LCORL: variants seen among roughly 807,000 people sequenced by gnomAD.
LCORL encodes ligand-dependent nuclear receptor corepressor-like protein.
Under a neutral mutation model 141.8 loss-of-function variants are expected in LCORL, and 41 were observed. That is an observed-to-expected ratio of 0.29 (90% CI 0.23 to 0.38). The LOEUF (loss-of-function observed/expected upper bound fraction) is 0.38. Ranked by LOEUF, LCORL falls within the 10% of genes least tolerant of loss-of-function variation. The pLI, the probability that LCORL is intolerant of heterozygous loss-of-function variation, is 1.00. For synonymous variants in LCORL, 618 were observed against 694.1 expected, an observed-to-expected ratio of 0.89 and a Z score of 1.72; for missense variants, 1,759 against 2,035.0, an observed-to-expected ratio of 0.86 and a Z score of 2.61.
At chr4:17,854,924 A>T (rs1374123877) in intron 7 of LCORL, among the ~76,000 whole-genome samples, 1 of 152,182 alleles carries the variant, frequency 6.6e-6, no homozygotes, top group Non-Finnish European at 1.5e-5. Context: ...TAGGAAAATT[A>T]TTTATATTAA....
intron 7 of LCORL, among the ~76,000 whole-genome samples, chr4:17,847,883 A>G (rs1194662912): frequency 4.6e-5 from 7 of 152,236 alleles, no homozygotes; most frequent in Admixed American, 4.6e-4. Flanking sequence ...CAATTATATT[A>G]ATCAAGATAG....
chr4:17,972,590 C>T (rs1405323665), intron 2 of LCORL, among the ~76,000 whole-genome samples: 1 of 151,482 alleles, frequency 6.6e-6, no homozygotes, highest in East Asian at 1.9e-4. Context: ...TTAAATTACA[C>T]CATTGACCTC....
At chr4:18,013,737 G>T (rs747265467) in intron 1 of LCORL, among the ~76,000 whole-genome samples, 6 of 152,012 alleles carry the variant, frequency 3.9e-5, no homozygotes, top group Non-Finnish European at 8.8e-5. Context: ...GAAAAGAATT[G>T]GCCAATTTGA....
At chr4:18,014,883 C>T (rs1724396685) in intron 1 of LCORL, among the ~76,000 whole-genome samples, 1 of 152,176 alleles carries the variant, frequency 6.6e-6, no homozygotes, top group African/African-American at 2.4e-5. Context: ...ACAGATTCAG[C>T]TCTTAAGTAT....
chr4:17,859,184 G>A (rs1416226033), intron 7 of LCORL, among the ~76,000 whole-genome samples: 1 of 152,140 alleles, frequency 6.6e-6, no homozygotes, highest in Non-Finnish European at 1.5e-5. Context: ...TGTAAAATAG[G>A]CTTTGTGTTT....
At chr4:17,845,432 C>A (rs1020168753) in exon 8 of LCORL, 2 of 235,158 alleles carry the variant, frequency 8.5e-6, no homozygotes, top group African/African-American at 4.5e-5. Flanking sequence ...AAACTTTGTG[C>A]ACAGAAATAA....
chr4:17,897,385 T>C (rs1243810245), intron 5 of LCORL, among the ~76,000 whole-genome samples: 1 of 151,878 alleles, frequency 6.6e-6, no homozygotes, highest in East Asian at 1.9e-4. Context: ...TTCTGTTGTT[T>C]GATTCAATTA....
At chr4:17,976,584 C>T (rs1717033087) in intron 1 of LCORL, among the ~76,000 whole-genome samples, 1 of 152,088 alleles carries the variant, frequency 6.6e-6, no homozygotes, top group African/African-American at 2.4e-5. Context: ...TACTTAAAAA[C>T]ATTTTAAATA....
chr4:17,908,948 A>G, intron 5 of LCORL, 146 bp downstream of exon 5: 1 of 657,948 alleles, frequency 1.5e-6, no homozygotes, highest in South Asian at 3.2e-5. Flanking sequence ...GTAAATAGGT[A>G]CTTCTCTCCA....
At chr4:17,876,714 G>C in exon 7 of LCORL, 1 of 1,230,694 alleles carries the variant, frequency 8.1e-7, no homozygotes, top group East Asian at 3.2e-5. Flanking sequence ...TCTCAAAAGA[G>C]TTTGAGTATT....
intron 5 of LCORL, among the ~76,000 whole-genome samples, chr4:17,897,212 T>TA (rs1730076636): frequency 2.1e-5 from 1 of 48,434 alleles, no homozygotes; most frequent in African/African-American, 7.6e-5. Context: ...TATACTGATT[T>TA]CTTTTTTTTT....
chr4:17,851,347 T>A (rs1723682533), intron 7 of LCORL, among the ~76,000 whole-genome samples: 1 of 152,128 alleles, frequency 6.6e-6, no homozygotes, highest in African/African-American at 2.4e-5. Context: ...AAGCCCCTCT[T>A]CTGGGGCAAC....
intron 6 of LCORL, chr4:17,882,987 T>C: frequency 2.1e-6 from 2 of 944,682 alleles, no homozygotes; most frequent in Non-Finnish European, 2.5e-6. Context: ...CTCCATCTTA[T>C]TATATTAAAG....
chr4:17,914,966 C>T (rs1216554035), intron 4 of LCORL, among the ~76,000 whole-genome samples: 2 of 152,094 alleles, frequency 1.3e-5, no homozygotes, highest in African/African-American at 4.8e-5. Flanking sequence ...AGCGTACTGC[C>T]CAAGTATTTG....
rs567923668 is a variant in LCORL, at chr4:17,989,305, T to G, written c.155-16420A>C. ...TTGAAGTCACATACTATACTTGTCA[T>G]AGATTTTTTGTAGATATCATATCTT... On this transcript the variant is annotated intron_variant, in intron 1 of 7. Transcript: ENST00000635767. Among the ~76,000 whole-genome samples the G allele has an allele frequency of 3.3e-5, 5 of 152,372 alleles. 1 individual carries two copies. The highest frequency in any genetic ancestry group is 1.2e-4 in the African/African-American group (5 of 41,586).
chr4:17,883,167 G>A (rs1225498484), intron 6 of LCORL: 3 of 980,762 alleles, frequency 3.1e-6, no homozygotes, highest in Non-Finnish European at 3.6e-6. Flanking sequence ...AGTGCATTTT[G>A]TATTTCATAG....
At chr4:17,863,301 G>A (rs970730748) in intron 7 of LCORL, among the ~76,000 whole-genome samples, 1 of 152,164 alleles carries the variant, frequency 6.6e-6, no homozygotes, top group African/African-American at 2.4e-5. Flanking sequence ...GGGCAACAGA[G>A]TGAGACTCTG....
chr4:18,021,498 C>T lies in LCORL; in HGVS notation c.154+100G>A, dbSNP rs1236632065. The stretch of plus-strand genomic sequence containing the variant: ...CATCTCGCTCCCCCACCGAACTAAC[C>T]CGAACGGGAGATTCAACTAAACCCC... On this transcript the variant is annotated intron_variant, in intron 1 of 7. Transcript: ENST00000635767. The surrounding 1 kb of genome is among the most constrained non-coding windows in gnomAD (Gnocchi z 5.5). 1 of 1,079,054 alleles carries T rather than the reference C, an allele frequency of 9.3e-7. No individual in the cohort carries two copies. The highest frequency in any genetic ancestry group is 1.3e-6 in the Non-Finnish European group (1 of 783,856). The allele number at this position is 1,079,054 out of a possible 1,614,324, so 66.8% of individuals were successfully genotyped here.
chr4:17,924,276 A>T (rs753639327), intron 4 of LCORL, among the ~76,000 whole-genome samples: 1 of 152,188 alleles, frequency 6.6e-6, no homozygotes, highest in Non-Finnish European at 1.5e-5. Flanking sequence ...TTCTGTGGAC[A>T]CCACTCAGCC....
Sources: allele counts gnomAD v4.1 joint callset (sites outside exome capture counted in the v4.1 genomes callset), GRCh38; gene constraint gnomAD v4.1.1; non-coding constraint Gnocchi (gnomAD v3.1); transcripts MANE v1.5; gene names NCBI Gene and HGNC (gene_info 2026-07-23, HGNC 2026-07-21).